The following CCDC33 variants were observed in gnomAD, a reference collection of about 807,000 sequenced individuals.
CCDC33 encodes the protein coiled-coil domain containing 33.
Under a neutral mutation model 91.9 loss-of-function variants are expected in CCDC33, and 94 were observed. The observed-to-expected ratio is 1.02, with a 90% CI of 0.87 to 1.21. The LOEUF (loss-of-function observed/expected upper bound fraction) is 1.21. Among genes scored for constraint, CCDC33 ranks in the 50% most tolerant of loss-of-function variants. The probability of loss-of-function intolerance (pLI) is 0.00; values close to 1 mark genes in which losing one functional copy is unlikely to be tolerated. For synonymous variants in CCDC33, 396 were observed against 374.5 expected (o/e 1.06, Z -0.66); for missense variants, 940 against 935.5 (o/e 1.00, Z -0.06).
intron 11 of CCDC33, chr15:74,304,196 C>T (rs1278857922): frequency 6.6e-6 from 1 of 152,258 alleles, no homozygotes; most frequent in Non-Finnish European, 1.5e-5. Context: ...CCCTGTCCAC[C>T]TCTTGAGACT....
chr15:74,240,619 T>G (rs1454811274), intron 1 of CCDC33, among the ~76,000 whole-genome samples: 1 of 152,002 alleles, frequency 6.6e-6, no homozygotes, highest in Non-Finnish European at 1.5e-5. Flanking sequence ...TTTGTTGTTG[T>G]TGTTGGAGTC....
chr15:74,331,414 TA>T (rs761658412), intron 15 of CCDC33, 118 bp downstream of exon 15: 2 of 1,014,788 alleles, frequency 2.0e-6, no homozygotes. Flanking sequence ...TGCACTCAGT[TA>T]TGTCTGTGGG....
At chr15:74,280,248 C>T (rs1024112220) in intron 8 of CCDC33, among the ~76,000 whole-genome samples, 156 bp downstream of exon 8, 3 of 152,216 alleles carry the variant, frequency 2.0e-5, no homozygotes, top group East Asian at 1.9e-4. Flanking sequence ...GAGCTGGCTG[C>T]GTTCCTTGTC....
At chr15:74,294,339 T>G (rs2059638706) in intron 10 of CCDC33, among the ~76,000 whole-genome samples, 1 of 152,124 alleles carries the variant, frequency 6.6e-6, no homozygotes, top group South Asian at 2.1e-4. Flanking sequence ...ACAATGAGTA[T>G]GTTTTAGAGA....
At chr15:74,334,381 G>C (rs2060513803) in intron 17 of CCDC33, among the ~76,000 whole-genome samples, 1 of 151,928 alleles carries the variant, frequency 6.6e-6, no homozygotes, top group Non-Finnish European at 1.5e-5. Flanking sequence ...TGTACATCCA[G>C]GGTCAGGGTT....
At chr15:74,242,172 A>G (rs1169666815) in intron 1 of CCDC33, among the ~76,000 whole-genome samples, 1 of 152,266 alleles carries the variant, frequency 6.6e-6, no homozygotes, top group African/African-American at 2.4e-5. Context: ...AGGTAGGAGC[A>G]GAGCAGCTTC....
rs745964533 is a variant in CCDC33 at position 74,262,437 on chromosome 15, C to T, written c.186-3C>T. On this transcript the variant is annotated splice_region_variant and splice_polypyrimidine_tract_variant and intron_variant, in intron 2 of 18. Coordinates refer to ENST00000398814, the MANE Select transcript of CCDC33 (RefSeq NM_025055.5). ...TGACTCACCCTGCCCCTGCTCTCCC[C>T]AGGAAAAGCACATCTGAGGAAAAGA... is the stretch of plus-strand genomic sequence containing the variant. 106 of 1,613,768 alleles carry T rather than the reference C, an allele frequency of 6.6e-5. No individual in the cohort carries two copies. The highest frequency in any genetic ancestry group is 9.0e-5 in the Non-Finnish European group (106 of 1,179,884).
At chr15:74,235,729 G>C (rs1049803313), upstream of CCDC33, among the ~76,000 whole-genome samples, 2 of 152,162 alleles carry the variant, frequency 1.3e-5, no homozygotes, top group Non-Finnish European at 2.9e-5. Flanking sequence ...GCAGTGCTCA[G>C]AACTGAACCA....
chr15:74,209,759 C>T, intron 2 of CCDC33: 1 of 317,274 alleles, frequency 3.2e-6, no homozygotes, highest in East Asian at 6.2e-5. Context: ...TGCAGGGATG[C>T]AGACAAGACT....
intron 1 of CCDC33, among the ~76,000 whole-genome samples, chr15:74,241,399 A>G (rs952176900): frequency 1.3e-5 from 2 of 152,206 alleles, no homozygotes; most frequent in African/African-American, 2.4e-5. Flanking sequence ...CCCAGGGTGG[A>G]GCAGAGGAAA....
In CCDC33 at chr15:74,312,931, C is replaced by G. The variant is rs1406583914; in HGVS notation, c.1290+16983C>G. On this transcript the variant is annotated intron_variant, in intron 11 of 18. Coordinates refer to ENST00000398814, the MANE Select transcript of CCDC33 (RefSeq NM_025055.5). ...CCCCACCAGGCAGGGCCTCAGCCCTCCAGAGGAAGCCCCCAGACCCCAAAC... is the reference window on the plus strand; with the variant it reads ...CCCCACCAGGCAGGGCCTCAGCCCTGCAGAGGAAGCCCCCAGACCCCAAAC... Among the ~76,000 whole-genome samples, 13 of 152,222 alleles carry G rather than the reference C, an allele frequency of 8.5e-5. 1 individual carries two copies. Among genetic ancestry groups the G allele is most frequent in the Admixed American group, 8.5e-4 (13 of 15,292 alleles).
intron 11 of CCDC33, among the ~76,000 whole-genome samples, chr15:74,307,896 C>G (rs2059919785): frequency 6.7e-6 from 1 of 148,210 alleles, no homozygotes; most frequent in South Asian, 2.1e-4. Context: ...CCCCACCCCT[C>G]AACCCCACCC....
At chr15:74,207,781 C>T (rs1200923873) in intron 1 of CCDC33, 2 of 1,535,688 alleles carry the variant, frequency 1.3e-6, no homozygotes, top group Non-Finnish European at 1.7e-6. Flanking sequence ...TGGGGTGTGC[C>T]CTCAGTGGCA....
chr15:74,258,855 C>A (rs994825668), intron 2 of CCDC33, among the ~76,000 whole-genome samples: 3 of 152,156 alleles, frequency 2.0e-5, no homozygotes, highest in African/African-American at 7.2e-5. Flanking sequence ...AAAGCAAAGT[C>A]CTTGTTCCCT....
At chr15:74,296,301 G>T (rs575647632) in intron 11 of CCDC33, among the ~76,000 whole-genome samples, 1 of 152,242 alleles carries the variant, frequency 6.6e-6, no homozygotes, top group Admixed American at 6.5e-5. Flanking sequence ...ATTCATTTTA[G>T]CTTATAACAG....
chr15:74,242,778 C>T (rs1316617312), intron 1 of CCDC33, among the ~76,000 whole-genome samples: 1 of 152,046 alleles, frequency 6.6e-6, no homozygotes, highest in Non-Finnish European at 1.5e-5. Flanking sequence ...CATGGCCACA[C>T]CCCTCCCCAC....
At chr15:74,288,446 A>G (rs1376531544) in intron 10 of CCDC33, among the ~76,000 whole-genome samples, 3 of 152,224 alleles carry the variant, frequency 2.0e-5, no homozygotes, top group Non-Finnish European at 4.4e-5. Flanking sequence ...GAGGTAGAGT[A>G]GGAACATCAC....
chr15:74,317,375 A>C (rs1264191449), intron 11 of CCDC33, among the ~76,000 whole-genome samples: 1 of 152,210 alleles, frequency 6.6e-6, no homozygotes, highest in Non-Finnish European at 1.5e-5. Context: ...TCCATTTCAA[A>C]AAAAGGAAAA....
chr15:74,328,695 G>A (rs993788137), intron 11 of CCDC33, among the ~76,000 whole-genome samples: 17 of 152,224 alleles, frequency 1.1e-4, no homozygotes, highest in African/African-American at 3.6e-4. Flanking sequence ...GTGGTGTCTG[G>A]TGGGCCCCTG....
Sources: allele counts gnomAD v4.1 joint callset (sites outside exome capture counted in the v4.1 genomes callset), GRCh38; gene constraint gnomAD v4.1.1; transcripts MANE v1.5; gene names NCBI Gene and HGNC (gene_info 2026-07-23, HGNC 2026-07-21).